Variants in BTBD9 observed in about 807,000 individuals in gnomAD.
The protein encoded by BTBD9 is BTB/POZ domain-containing protein 9.
Under a neutral mutation model 64.3 loss-of-function variants are expected in BTBD9, and 49 were observed. That is an observed-to-expected ratio of 0.76 (90% CI 0.61 to 0.97). The LOEUF is 0.97. Ranked by LOEUF, BTBD9 falls within the 50% of genes least tolerant of loss-of-function variation. The pLI is 0.00. For missense variants in BTBD9, 598 were observed against 762.1 expected (o/e 0.78, Z 2.53); for synonymous variants, 260 against 274.7 (o/e 0.95, Z 0.53).
intron 6 of BTBD9, among the ~76,000 whole-genome samples, chr6:38,548,498 T>C (rs1314014717): frequency 6.6e-6 from 1 of 152,206 alleles, no homozygotes; most frequent in Non-Finnish European, 1.5e-5. Flanking sequence ...ATTTTTCCTT[T>C]TCCTTTAAAA....
intron 9 of BTBD9, among the ~76,000 whole-genome samples, chr6:38,226,530 A>G (rs552654019): frequency 6.6e-6 from 1 of 152,346 alleles, no homozygotes; most frequent in South Asian, 2.1e-4. Flanking sequence ...CAGATGAGAC[A>G]CAGGCTGAGA....
At chr6:38,515,176 A>C (rs1163468539) in intron 6 of BTBD9, among the ~76,000 whole-genome samples, 1 of 152,208 alleles carries the variant, frequency 6.6e-6, no homozygotes, top group Non-Finnish European at 1.5e-5. Context: ...GCAGAATATT[A>C]CTTCTATTCC....
chr6:38,402,646 C>T (rs1766983788), intron 6 of BTBD9, among the ~76,000 whole-genome samples: 1 of 152,156 alleles, frequency 6.6e-6, no homozygotes, highest in Non-Finnish European at 1.5e-5. Context: ...TTGCCTCACA[C>T]TGTATATAAA....
intron 6 of BTBD9, among the ~76,000 whole-genome samples, chr6:38,530,576 G>A (rs763479697): frequency 6.1e-5 from 6 of 97,674 alleles, no homozygotes; most frequent in Non-Finnish European, 1.7e-4. Flanking sequence ...ATGGAAAATA[G>A]AAAGAACCTA....
intron 9 of BTBD9, among the ~76,000 whole-genome samples, chr6:38,221,878 C>A (rs1358493128): frequency 1.3e-5 from 2 of 152,110 alleles, no homozygotes; most frequent in African/African-American, 4.8e-5. Flanking sequence ...GTAGTCCCAG[C>A]TACTTGGGAG....
intron 8 of BTBD9, among the ~76,000 whole-genome samples, chr6:38,276,837 C>A (rs1233751566): frequency 6.6e-6 from 1 of 152,094 alleles, no homozygotes; most frequent in Admixed American, 6.5e-5. Context: ...ATCTTAAAGA[C>A]TGAAACTACT....
chr6:38,330,293 T>C (rs560124092), intron 7 of BTBD9, among the ~76,000 whole-genome samples: 2 of 152,304 alleles, frequency 1.3e-5, no homozygotes, highest in Admixed American at 6.5e-5. Flanking sequence ...CCTCAGGTGA[T>C]CCACCCATAT....
At chr6:38,539,862 C>T (rs2748158) in intron 6 of BTBD9, among the ~76,000 whole-genome samples, 11,026 of 152,146 alleles carry the variant, frequency 0.072, 900 homozygotes, top group African/African-American at 0.19. Context: ...TGGAATCAGG[C>T]TCACAGATGT....
chr6:38,505,047 A>G (rs1772401463), intron 6 of BTBD9, among the ~76,000 whole-genome samples: 1 of 152,306 alleles, frequency 6.6e-6, no homozygotes, highest in Non-Finnish European at 1.5e-5. Flanking sequence ...TTCCTGAAGC[A>G]CTACCTCTCA....
chr6:38,569,929 T>C (rs1393688099), intron 6 of BTBD9, among the ~76,000 whole-genome samples: 2 of 151,672 alleles, frequency 1.3e-5, no homozygotes, highest in Non-Finnish European at 2.9e-5. Flanking sequence ...TCCTAATATA[T>C]GGAATTTGTT....
chr6:38,175,027 G>T lies in BTBD9; in HGVS notation c.1797C>A (p.Ser599Arg), dbSNP rs773690520. 9 of 1,613,992 alleles carry T rather than the reference G, an allele frequency of 5.6e-6. No homozygotes were observed. The highest frequency in any genetic ancestry group is 7.6e-6 in the Non-Finnish European group (9 of 1,180,056). The change falls in exon 11 of 11, where the codon AGC becomes AGA. Residue 599 changes from serine (S) to arginine (R), a missense_variant. By Grantham distance (110) the Ser-to-Arg change is moderately radical. Coordinates refer to ENST00000481247, the MANE Select transcript of BTBD9 (RefSeq NM_001099272.2). The part of the protein sequence containing the change: ...RAPSGSSLPS[S>R]PGSNSRSPNR... ...TGGGGGAGCGTGAGTTGGAGCCTGG[G>T]CTGGAGGGTAGTGAGCTGCCACTAG...
chr6:38,225,896 G>T (rs1763378259), intron 9 of BTBD9, among the ~76,000 whole-genome samples: 1 of 152,196 alleles, frequency 6.6e-6, no homozygotes, highest in South Asian at 2.1e-4. Flanking sequence ...ATTTAAGGCA[G>T]ATATGACACA....
At chr6:38,515,317 AT>A (rs907361206) in intron 6 of BTBD9, among the ~76,000 whole-genome samples, 3 of 152,198 alleles carry the variant, frequency 2.0e-5, no homozygotes, top group African/African-American at 7.2e-5. Flanking sequence ...AACAGTCAAC[AT>A]TTCCTCTTAC....
chr6:38,374,307 G>GTATATATATATATATATATATATGTA, intron 6 of BTBD9, among the ~76,000 whole-genome samples: 1 of 59,094 alleles, frequency 1.7e-5, no homozygotes, highest in African/African-American at 7.9e-5. Flanking sequence ...GTATATATAT[G>GTATATATATATATATATATATATGTA]TATATATATA....
intron 7 of BTBD9, among the ~76,000 whole-genome samples, chr6:38,309,044 A>G (rs1762731990): frequency 6.6e-6 from 1 of 152,020 alleles, no homozygotes; most frequent in Non-Finnish European, 1.5e-5. Context: ...CATTGAACAG[A>G]GAACAAAAGA....
At chr6:38,517,640 G>T (rs1167127880) in intron 6 of BTBD9, among the ~76,000 whole-genome samples, 1 of 152,114 alleles carries the variant, frequency 6.6e-6, no homozygotes, top group African/African-American at 2.4e-5. Context: ...ACAGGAGACA[G>T]GAAGAAATAT....
At position 38,302,495 on chromosome 6, in the gene BTBD9, A is replaced by G. The variant is rs1433769769; in HGVS notation, c.1265-14034T>C. Among the ~76,000 whole-genome samples the G allele has an allele frequency of 3.6e-3, 136 of 37,790 alleles. 1 individual carries two copies. The highest frequency in any genetic ancestry group is 9.0e-3 in the African/African-American group (122 of 13,500). The allele number at this position is 37,790 out of a possible 152,430, so 24.8% of individuals were successfully genotyped here. A position where few individuals can be genotyped will look rare whatever the true frequency, so the allele number is the denominator to read the frequency against. ...TTCCATTGTGTGTATGTATATATAT[A>G]TATATATATATATATATATATATAT... On this transcript the variant is annotated intron_variant, in intron 7 of 10. Coordinates refer to ENST00000481247, the MANE Select transcript of BTBD9 (RefSeq NM_001099272.2).
chr6:38,238,488 T>TC (rs1373716282), intron 9 of BTBD9, among the ~76,000 whole-genome samples: 2 of 150,402 alleles, frequency 1.3e-5, no homozygotes, highest in African/African-American at 4.9e-5. Context: ...TTTTTTTTTT[T>TC]TTGAGACGGA....
At chr6:38,198,246 A>C (rs1561861531) in intron 9 of BTBD9, among the ~76,000 whole-genome samples, 1 of 152,212 alleles carries the variant, frequency 6.6e-6, no homozygotes, top group Non-Finnish European at 1.5e-5. Flanking sequence ...CTAAACTATA[A>C]ATATAAAAAT....
Sources: gnomAD v4.1 joint callset for allele counts (sites outside exome capture counted in the v4.1 genomes callset) on GRCh38, gnomAD v4.1.1 for gene constraint, MANE v1.5 for transcripts, NCBI Gene and HGNC (gene_info 2026-07-23, HGNC 2026-07-21) for gene names.